The following SENP6 variants were observed in gnomAD, a reference collection of about 807,000 sequenced individuals.
The protein encoded by SENP6 is SUMO specific peptidase 6.
Under a neutral mutation model 134.5 loss-of-function variants are expected in SENP6, and 41 were observed. The observed-to-expected ratio is 0.30, with a 90% confidence interval of 0.24 to 0.40. SENP6 has a LOEUF of 0.40. SENP6 is among the 10% of genes least tolerant of loss of function. SENP6 has a pLI of 1.00. For synonymous variants in SENP6, 395 were observed against 429.8 expected (o/e 0.92, Z 1.00); for missense variants, 1,248 against 1,312.5 (o/e 0.95, Z 0.76).
chr6:75,706,994 T>A (rs1775443826), intron 19 of SENP6, among the ~76,000 whole-genome samples: 1 of 152,068 alleles, frequency 6.6e-6, no homozygotes, highest in African/African-American at 2.4e-5. Flanking sequence ...ATATGAGAAG[T>A]TCTCAGGAAC....
chr6:75,670,767 A>C, intron 11 of SENP6, 47 bp downstream of exon 11: 1 of 1,159,800 alleles, frequency 8.6e-7, no homozygotes, highest in Non-Finnish European at 1.1e-6. Context: ...AACATTAAAA[A>C]TTCCGTTGCT....
chr6:75,616,279 A>G (rs953335551), intron 1 of SENP6, among the ~76,000 whole-genome samples: 1 of 152,236 alleles, frequency 6.6e-6, no homozygotes, highest in African/African-American at 2.4e-5. Context: ...ATTGAAATGT[A>G]GTGATACTCT....
At chr6:75,658,974 C>CCA (rs1771557619) in intron 7 of SENP6, among the ~76,000 whole-genome samples, 8 of 71,976 alleles carry the variant, frequency 1.1e-4, no homozygotes, top group Admixed American at 2.0e-4. Context: ...CTTGTCTCCC[C>CCA]AAAAAAAAAA....
At chr6:75,602,632 C>T (rs1440565165) in intron 1 of SENP6, 56 bp downstream of exon 1, 3 of 1,502,354 alleles carry the variant, frequency 2.0e-6, no homozygotes, top group Admixed American at 2.0e-5. Context: ...GAAAACGTGG[C>T]CCCCAGAACC....
chr6:75,713,343 A>G (rs948847105), intron 21 of SENP6, among the ~76,000 whole-genome samples, 170 bp from the exon 22 acceptor site: 2 of 152,184 alleles, frequency 1.3e-5, no homozygotes, highest in Non-Finnish European at 2.9e-5. Flanking sequence ...TTAGATTATA[A>G]GGTTCGTATG....
intron 11 of SENP6, among the ~76,000 whole-genome samples, chr6:75,674,324 A>T (rs1047546203): frequency 6.6e-6 from 1 of 151,470 alleles, no homozygotes; most frequent in African/African-American, 2.4e-5. Context: ...TACCTAGGTA[A>T]GTTTTTCTTT....
chr6:75,712,172 T>C (rs1399644778), intron 21 of SENP6, among the ~76,000 whole-genome samples: 1 of 152,216 alleles, frequency 6.6e-6, no homozygotes, highest in Non-Finnish European at 1.5e-5. Flanking sequence ...TCAGTTTTGC[T>C]TTTCAGAAGT....
chr6:75,696,049 C>A, intron 17 of SENP6, 126 bp downstream of exon 17: 3 of 827,176 alleles, frequency 3.6e-6, no homozygotes, highest in Non-Finnish European at 5.4e-6. Context: ...AATTCTCCAG[C>A]CAGGAAGAGA....
chr6:75,702,819 G>C lies in SENP6; in HGVS notation c.2463G>C (p.Lys821Asn). The C allele has an allele frequency of 1.2e-6, 2 of 1,614,068 alleles. No homozygotes were observed. Among genetic ancestry groups the C allele is most frequent in the African/African-American group, 1.3e-5 (1 of 75,030 alleles). ...GTTGTTCACAAAACTCTTCTGCCAAGCCTGTAATTAAGAAGATGCTAAACA... is the reference window on the plus strand; with the variant it reads ...GTTGTTCACAAAACTCTTCTGCCAACCCTGTAATTAAGAAGATGCTAAACA... ...MESCSQNSSA[K>N]PVIKKMLNKK... The change falls in exon 19 of 24, where the codon AAG becomes AAC. Residue 821 changes from lysine (K) to asparagine (N), a missense_variant. Around this residue, in one of 3 missense-constraint regions of SENP6, gnomAD observed 386 missense variants for 395.0 expected, o/e 0.98. Coordinates refer to ENST00000447266, the MANE Select transcript of SENP6 (RefSeq NM_015571.4).
Position 75,645,408 on chromosome 6 carries a change from G to A in SENP6, c.480-2323G>A, listed in dbSNP as rs1362232987. The stretch of plus-strand genomic sequence containing the variant: ...AGGCAGGCAGATCACTTGAGGCCAG[G>A]AGTTCGAGGCCAGCCTGGCTGACAT... On this transcript the variant is annotated intron_variant, in intron 6 of 23. Coordinates refer to ENST00000447266, the MANE Select transcript of SENP6 (RefSeq NM_015571.4). Among the ~76,000 whole-genome samples the A allele has an allele frequency of 2.0e-5, 3 of 152,220 alleles. No homozygotes were observed. In the East Asian group the frequency reaches 5.8e-4, roughly 29 times the overall value.
intron 18 of SENP6, among the ~76,000 whole-genome samples, chr6:75,698,451 T>C (rs921403420): frequency 5.9e-5 from 9 of 152,150 alleles, no homozygotes; most frequent in African/African-American, 1.9e-4. Flanking sequence ...TTCTATGAGA[T>C]TGTTTATGTC....
chr6:75,658,999 A>C, intron 7 of SENP6, among the ~76,000 whole-genome samples: 1 of 137,954 alleles, frequency 7.2e-6, no homozygotes, highest in African/African-American at 2.6e-5. Flanking sequence ...AAAAAAAAAA[A>C]AGGGGAATTG....
At chr6:75,704,101 A>G (rs573362527) in intron 19 of SENP6, among the ~76,000 whole-genome samples, 1 of 152,286 alleles carries the variant, frequency 6.6e-6, no homozygotes, top group South Asian at 2.1e-4. Flanking sequence ...CTGCCCTTCC[A>G]CACCTGTAGG....
At chr6:75,654,185 C>G (rs529423157) in intron 7 of SENP6, among the ~76,000 whole-genome samples, 13 of 152,216 alleles carry the variant, frequency 8.5e-5, no homozygotes, top group Non-Finnish European at 1.9e-4. Context: ...GGTTGAGGCA[C>G]TGTGATCACG....
Position 75,666,699 on chromosome 6 carries a change from A to G in SENP6, c.995-13A>G. On this transcript the variant is annotated splice_polypyrimidine_tract_variant and intron_variant, in intron 9 of 23. Coordinates refer to ENST00000447266, the MANE Select transcript of SENP6 (RefSeq NM_015571.4). ...GTTTTAATATAAATTATAAATTATT[A>G]AAATACTTTTAGTCATTTTGTCCAG... The G allele has an allele frequency of 8.0e-7, 1 of 1,249,502 alleles. No homozygotes were observed. Among genetic ancestry groups the G allele is most frequent in the South Asian group, 2.3e-5 (1 of 42,846 alleles). The allele number at this position is 1,249,502 out of a possible 1,614,324, so 77.4% of individuals were successfully genotyped here.
chr6:75,663,436 A>T lies in SENP6; in HGVS notation c.912A>T (p.Lys304Asn). 1 of 1,613,522 alleles carries T rather than the reference A, an allele frequency of 6.2e-7. No homozygotes were observed. The highest frequency in any genetic ancestry group is 8.5e-7 in the Non-Finnish European group (1 of 1,179,786). The change falls in exon 9 of 24, where the codon AAA becomes AAT. Residue 304 changes from lysine (K) to asparagine (N), a missense_variant. This residue lies in a region of SENP6 where 733 missense variants were observed against 725.4 expected (regional missense o/e 1.01). Transcript: ENST00000447266. ...ACACTTATTTACAGACTAATGGAAA[A>T]GTCATTTTACCTGGGGCAAAAATAC... The part of the protein sequence containing the change: ...SKHTYLQTNG[K>N]VILPGAKIPK...
At chr6:75,681,616 A>G (rs951799136) in intron 16 of SENP6, among the ~76,000 whole-genome samples, 1 of 151,914 alleles carries the variant, frequency 6.6e-6, no homozygotes, top group Non-Finnish European at 1.5e-5. Context: ...TCACCACCAC[A>G]CCCAGCTAAT....
chr6:75,699,844 C>T (rs528792841), intron 18 of SENP6, among the ~76,000 whole-genome samples: 8 of 152,118 alleles, frequency 5.3e-5, no homozygotes, highest in African/African-American at 1.9e-4. Flanking sequence ...ATAGTAATTT[C>T]CAGAAACACA....
At chr6:75,676,970 T>C (rs1306654245) in intron 13 of SENP6, 60 bp from the exon 14 acceptor site, 1 of 813,644 alleles carries the variant, frequency 1.2e-6, no homozygotes, top group Non-Finnish European at 1.9e-6. Context: ...TTACTCCTTT[T>C]AAAAGTATCT....
Sources: allele counts gnomAD v4.1 joint callset (sites outside exome capture counted in the v4.1 genomes callset), GRCh38; gene constraint gnomAD v4.1.1; regional missense constraint gnomAD v4.1.1; transcripts MANE v1.5; gene names NCBI Gene and HGNC (gene_info 2026-07-23, HGNC 2026-07-21).